Variants in WNT5A observed in about 807,000 individuals in gnomAD.
WNT5A encodes the protein Wnt family member 5A.
In WNT5A, 9 loss-of-function variants were observed where a neutral mutation model predicts 42.1. That is an observed-to-expected ratio of 0.21 (90% CI 0.13 to 0.37). The LOEUF is 0.37. Among genes scored for constraint, WNT5A ranks in the 10% least tolerant of loss-of-function variants. The probability of loss-of-function intolerance (pLI) is 1.00; values close to 1 mark genes in which losing one functional copy is unlikely to be tolerated. For missense variants in WNT5A, 426 were observed against 534.0 expected (o/e 0.80, Z 1.99); for synonymous variants, 210 against 210.0 (o/e 1.00, Z 0.00).
chr3:55,478,069 C>G (rs2051390105), intron 3 of WNT5A, among the ~76,000 whole-genome samples: 1 of 152,192 alleles, frequency 6.6e-6, no homozygotes, highest in South Asian at 2.1e-4. Flanking sequence ...GGGAAAACTC[C>G]TGTGTTCCTG....
the WNT5A span, among the ~76,000 whole-genome samples, chr3:55,502,477 G>C: frequency 6.6e-6 from 1 of 152,128 alleles, no homozygotes; most frequent in Non-Finnish European, 1.5e-5. Context: ...TTTCTCTCAA[G>C]CTAAAAACAT....
intron 1 of WNT5A, chr3:55,481,461 CAGGACG>C: frequency 3.0e-6 from 2 of 656,218 alleles, no homozygotes; most frequent in Non-Finnish European, 3.8e-6. Flanking sequence ...AGGATGGGGG[CAGGACG>C]CGGGAGGGAA....
intron 2 of WNT5A, 55 bp downstream of exon 2, chr3:55,480,730 C>G: frequency 6.8e-7 from 1 of 1,473,948 alleles, no homozygotes; most frequent in South Asian, 1.4e-5. Context: ...ATCATACAAA[C>G]AAATCTTAAA....
chr3:55,480,793 A>G lies in WNT5A; in HGVS notation c.132T>C (p.Asn44=). 1.3e-6 allele frequency: 2 copies of G among 1,563,002 alleles called. No individual in the cohort carries two copies. The highest frequency in any genetic ancestry group is 1.7e-6 in the Non-Finnish European group (2 of 1,154,472). The part of the protein sequence containing the change: ...FSFAQVVIEA[N]SWWSLGMNNP... ...ACATAGAATGAACTTACCACCAAGAATTGGCTTCAATTACAACCTGGGCGA... is the reference window on the plus strand; with the variant it reads ...ACATAGAATGAACTTACCACCAAGAGTTGGCTTCAATTACAACCTGGGCGA... The change falls in exon 2 of 5, where the codon AAT becomes AAC. Residue 44 remains asparagine (N), a synonymous_variant. Coordinates refer to ENST00000264634, the MANE Select transcript of WNT5A (RefSeq NM_003392.7).
In WNT5A at chr3:55,467,675, C is replaced by T. The variant is rs990095606; in HGVS notation, c.*2417G>A. The T allele has an allele frequency of 1.3e-5, 2 of 152,390 alleles. No homozygotes were observed. Among genetic ancestry groups the T allele is most frequent in the African/African-American group, 4.8e-5 (2 of 41,348 alleles). The allele number at this position is 152,390 out of a possible 1,614,324, so 9.4% of individuals were successfully genotyped here. On this transcript the variant is annotated 3_prime_UTR_variant, in exon 5 of 5. Transcript: ENST00000264634. Reference sequence around the variant, plus strand: ...TTAAACCAGTGAAATATACAAATCACGCAAGACAGAAATATGTACATTAAA... The same window carrying T: ...TTAAACCAGTGAAATATACAAATCATGCAAGACAGAAATATGTACATTAAA...
At chr3:55,503,878 G>A in the WNT5A span, among the ~76,000 whole-genome samples, 9 of 152,246 alleles carry the variant, frequency 5.9e-5, no homozygotes, top group Admixed American at 3.9e-4. Context: ...GAGCCCAGGC[G>A]TTGGAGGCTG....
At chr3:55,497,904 G>A in the WNT5A span, among the ~76,000 whole-genome samples, 23 of 152,284 alleles carry the variant, frequency 1.5e-4, no homozygotes, top group African/African-American at 5.5e-4. Context: ...AAGGTGCCAA[G>A]ACAATTCTTC....
the WNT5A span, among the ~76,000 whole-genome samples, chr3:55,496,527 T>C: frequency 1.3e-5 from 2 of 152,240 alleles, no homozygotes; most frequent in Admixed American, 6.5e-5. Context: ...GGCAGGTACA[T>C]GTATCTACTG....
At chr3:55,473,547 C>G (rs563615489) in intron 4 of WNT5A, among the ~76,000 whole-genome samples, 1 of 152,318 alleles carries the variant, frequency 6.6e-6, no homozygotes, top group East Asian at 1.9e-4. Flanking sequence ...CCAGGAGACT[C>G]GTGAGGACTG....
At position 55,487,132 on chromosome 3, in the gene WNT5A, A is replaced by C. The variant is rs1575409108; in HGVS notation, c.-147T>G. The C allele has an allele frequency of 4.4e-6, 3 of 677,894 alleles. No individual in the cohort carries two copies. In the South Asian group the frequency reaches 5.6e-5, roughly 13 times the overall value. The allele number at this position is 677,894 out of a possible 1,614,324, so 42.0% of individuals were successfully genotyped here. A position where few individuals can be genotyped will look rare whatever the true frequency, so the allele number is the denominator to read the frequency against. On this transcript the variant is annotated 5_prime_UTR_variant, in exon 1 of 5. Transcript: ENST00000264634. Reference sequence around the variant, plus strand: ...GGCGCGCGTCCGGCGGGCGCAGTGAACCGGAGCTGAAGCGGGCACTGGCGC... The same window carrying C: ...GGCGCGCGTCCGGCGGGCGCAGTGACCCGGAGCTGAAGCGGGCACTGGCGC...
chr3:55,486,829 G>A, intron 1 of WNT5A, 151 bp downstream of exon 1: 2 of 720,472 alleles, frequency 2.8e-6, no homozygotes, highest in Non-Finnish European at 2.6e-6. Context: ...GGGCGAAGGG[G>A]TAGGGGTTCC....
intron 1 of WNT5A, 135 bp downstream of exon 1, chr3:55,486,845 G>A: frequency 1.3e-6 from 1 of 746,006 alleles, no homozygotes; most frequent in Non-Finnish European, 2.4e-6. Flanking sequence ...GTTCCTGCCA[G>A]CGACGCTGGA....
At chr3:55,482,895 A>G (rs2106971890) in intron 1 of WNT5A, among the ~76,000 whole-genome samples, 1 of 152,314 alleles carries the variant, frequency 6.6e-6, no homozygotes, top group Non-Finnish European at 1.5e-5. Context: ...CACACATCAT[A>G]CACATTCACA....
rs1202321181 is a variant in WNT5A, at chr3:55,469,118, G to A, written c.*974C>T. The A allele has an allele frequency of 6.6e-6, 1 of 152,200 alleles. No homozygotes were observed. Among genetic ancestry groups the A allele is most frequent in the Non-Finnish European group, 1.5e-5 (1 of 68,042 alleles). 9.4% of individuals were successfully genotyped at this position (152,200 alleles called of 1,614,324 possible). On this transcript the variant is annotated 3_prime_UTR_variant, in exon 5 of 5. Transcript: ENST00000264634. ...TTTCCTCAAATAGGTTGTCTGCTCT[G>A]GTGCAGTGCTGAATGGCACGCAATT...
rs753406752 is a variant in WNT5A, at chr3:55,474,500, G to A, written c.521C>T (p.Pro174Leu). The stretch of plus-strand genomic sequence containing the variant: ...GCAGCCGCCCCAGAGCCAGTCCCGC[G>A]GCAGGTCCTTGGGGCGCGCGGCGCG... ...CSRAARPKDL[P>L]RDWLWGGCGD... The change falls in exon 4 of 5, where the codon CCG becomes CTG. Residue 174 changes from proline to leucine, a missense_variant. Coordinates refer to ENST00000264634, the MANE Select transcript of WNT5A (RefSeq NM_003392.7). 3.1e-6 allele frequency: 5 copies of A among 1,589,634 alleles called. No homozygotes were observed. The highest frequency in any genetic ancestry group is 4.3e-6 in the Non-Finnish European group (5 of 1,169,884).
intron 1 of WNT5A, chr3:55,481,488 T>TG (rs2051462657): frequency 2.0e-5 from 2 of 102,354 alleles, no homozygotes; most frequent in African/African-American, 3.8e-5. Context: ...GGGCAGGGGG[T>TG]GGGGGGCGAG....
In WNT5A at chr3:55,469,024, C is replaced by G. The variant is rs1212313817; in HGVS notation, c.*1068G>C. The G allele has an allele frequency of 6.6e-6, 1 of 152,172 alleles. No individual in the cohort carries two copies. Among genetic ancestry groups the G allele is most frequent in the African/African-American group, 2.4e-5 (1 of 41,424 alleles). 9.4% of individuals were successfully genotyped at this position (152,172 alleles called of 1,614,324 possible). A position where few individuals can be genotyped will look rare whatever the true frequency, so the allele number is the denominator to read the frequency against. On this transcript the variant is annotated 3_prime_UTR_variant, in exon 5 of 5. Transcript: ENST00000264634. Reference sequence around the variant, plus strand: ...TGGAGCTGCCGTTTGGAAACGTGGCCAGCATCACATCACAACACGGAGGAA... The same window carrying G: ...TGGAGCTGCCGTTTGGAAACGTGGCGAGCATCACATCACAACACGGAGGAA...
intron 1 of WNT5A, 116 bp from the exon 2 acceptor site, chr3:55,481,034 T>G: frequency 6.3e-6 from 7 of 1,106,974 alleles, no homozygotes; most frequent in Non-Finnish European, 8.2e-6. Flanking sequence ...TTGACTGCGC[T>G]TCTCCTCCGT....
At chr3:55,482,841 G>A (rs933975403) in intron 1 of WNT5A, among the ~76,000 whole-genome samples, 9 of 152,184 alleles carry the variant, frequency 5.9e-5, no homozygotes, top group Admixed American at 3.9e-4. Context: ...CGCAGCCCAG[G>A]CTGCAAAGTC....
Sources: gnomAD v4.1 joint callset for allele counts (sites outside exome capture counted in the v4.1 genomes callset) on GRCh38, gnomAD v4.1.1 for gene constraint, MANE v1.5 for transcripts, NCBI Gene and HGNC (gene_info 2026-07-23, HGNC 2026-07-21) for gene names.